Variants in SDHC observed in about 807,000 individuals in gnomAD.
SDHC encodes succinate dehydrogenase complex subunit C.
In SDHC, 11 loss-of-function variants were observed where a neutral mutation model predicts 22.6. The observed-to-expected ratio is 0.49, with a 90% CI of 0.31 to 0.81. The LOEUF (loss-of-function observed/expected upper bound fraction) is 0.81, where lower values mean the gene tolerates loss of function less well. Ranked by LOEUF, SDHC falls within the 30% of genes least tolerant of loss-of-function variation. The pLI is 0.05. For missense variants in SDHC, 160 were observed against 212.0 expected (o/e 0.75, Z 1.52); for synonymous variants, 80 against 77.8 (o/e 1.03, Z -0.15).
intron 4 of SDHC, among the ~76,000 whole-genome samples, chr1:161,343,738 TA>T (rs1671798636): frequency 6.6e-6 from 1 of 152,206 alleles, no homozygotes; most frequent in Non-Finnish European, 1.5e-5. Flanking sequence ...TGAACAGATT[TA>T]ATCCTAAAAA....
chr1:161,354,143 A>G (rs1228088462), intron 4 of SDHC, among the ~76,000 whole-genome samples: 1 of 151,982 alleles, frequency 6.6e-6, no homozygotes, highest in Non-Finnish European at 1.5e-5. Flanking sequence ...GAGCCACCAT[A>G]CCCAGCCAAT....
At chr1:161,329,028 C>T (rs57884260) in intron 3 of SDHC, among the ~76,000 whole-genome samples, 5,297 of 152,196 alleles carry the variant, frequency 0.035, 190 homozygotes, top group East Asian at 0.17. Context: ...CTGCCTCAGC[C>T]TCCCGAGTAG....
chr1:161,331,678 C>T (rs115378785), intron 3 of SDHC, among the ~76,000 whole-genome samples: 2,975 of 151,822 alleles, frequency 0.02, 78 homozygotes, highest in African/African-American at 0.064. Flanking sequence ...TCACTGTAAC[C>T]CCCGCCTCCC....
chr1:161,346,005 T>C (rs1209463992), intron 4 of SDHC, among the ~76,000 whole-genome samples: 3 of 151,512 alleles, frequency 2.0e-5, no homozygotes, highest in Non-Finnish European at 2.9e-5. Flanking sequence ...AGGGTCTCAC[T>C]ATTTGGCCAG....
intron 4 of SDHC, among the ~76,000 whole-genome samples, chr1:161,348,091 A>G (rs778425139): frequency 2.6e-5 from 4 of 152,216 alleles, no homozygotes; most frequent in Non-Finnish European, 5.9e-5. Flanking sequence ...TATAAATTTT[A>G]AAAAGCATGT....
rs1277411736 is a variant in SDHC, at chr1:161,314,419, T to C, written c.14T>C (p.Leu5Ser). 9.9e-6 allele frequency: 16 copies of C among 1,612,258 alleles called. No homozygotes were observed. Among genetic ancestry groups the C allele is most frequent in the African/African-American group, 1.4e-5 (1 of 73,776 alleles). ...CCGGAACCCAAGATGGCTGCGCTGT[T>C]GCTGAGGTGACTTCAGTGGGACTGG... MAAL[L>S]LRHVGRHCLR... The change falls in exon 1 of 6, where the codon TTG becomes TCG. Residue 5 changes from leucine (L) to serine (S), a missense_variant. Physicochemically the swap from Leu to Ser is moderately radical, Grantham distance 145. This residue lies in a region of SDHC where 86 missense variants were observed against 83.4 expected (regional missense o/e 1.03). Coordinates refer to ENST00000367975, the MANE Select transcript of SDHC (RefSeq NM_003001.5).
rs1486808128 is a variant in SDHC at position 161,362,703 on chromosome 1, C to T, written c.*270C>T. ...TACTCTCGGCCTAGAAGCAGTTATT[C>T]TCTCTCCATATTGGGCTTTGATTTG... On this transcript the variant is annotated 3_prime_UTR_variant, in exon 6 of 6. Transcript: ENST00000367975. The T allele has an allele frequency of 1.6e-6, 1 of 620,470 alleles. No individual in the cohort carries two copies. The highest frequency in any genetic ancestry group is 2.9e-5 in the Admixed American group (1 of 33,972). 38.4% of individuals were successfully genotyped at this position (620,470 alleles called of 1,614,324 possible). A position where few individuals can be genotyped will look rare whatever the true frequency, so the allele number is the denominator to read the frequency against.
Position 161,340,459 on chromosome 1 carries a change from G to A in SDHC, c.180-135G>A, listed in dbSNP as rs187490191. The stretch of plus-strand genomic sequence containing the variant: ...CCATTGCCAGCCTGGGCAACAGAGC[G>A]AGACTCTGTCTCAAAAAAAAAAAAA... On this transcript the variant is annotated intron_variant, in intron 3 of 5. Coordinates refer to ENST00000367975, the MANE Select transcript of SDHC (RefSeq NM_003001.5). The A allele has an allele frequency of 1.4e-3, 987 of 725,162 alleles. 5 individuals carry two copies. The highest frequency in any genetic ancestry group is 1.2e-3 in the Non-Finnish European group (514 of 425,316). The allele number at this position is 725,162 out of a possible 1,614,324, so 44.9% of individuals were successfully genotyped here.
intron 3 of SDHC, among the ~76,000 whole-genome samples, chr1:161,335,831 A>G (rs2102324602): frequency 6.6e-6 from 1 of 152,110 alleles, no homozygotes; most frequent in South Asian, 2.1e-4. Flanking sequence ...ATACATATAT[A>G]CATACATCTC....
chr1:161,323,683 G>C lies in SDHC; in HGVS notation c.77+13G>C, dbSNP rs779727693. On this transcript the variant is annotated intron_variant, in intron 2 of 5. Transcript: ENST00000367975. ...TCTGTATCAGAAAGTAAGTTTCTAA[G>C]TCTGGAGATTATTTATTTATTTTTT... 18 of 1,597,200 alleles carry C rather than the reference G, an allele frequency of 1.1e-5. No homozygotes were observed. In the East Asian group the frequency reaches 4.0e-4, roughly 36 times the overall value.
At chr1:161,340,514 T>G (rs1571869000) in intron 3 of SDHC, 80 bp from the exon 4 acceptor site, 1 of 1,265,092 alleles carries the variant, frequency 7.9e-7, no homozygotes, top group Non-Finnish European at 1.1e-6. Flanking sequence ...CAGAATTAGT[T>G]TATATTTTTG....
chr1:161,356,419 A>G (rs961794897), intron 4 of SDHC, among the ~76,000 whole-genome samples: 2 of 152,118 alleles, frequency 1.3e-5, no homozygotes, highest in African/African-American at 4.8e-5. Flanking sequence ...GGCACCTGTC[A>G]TCCCCACTAC....
In SDHC at chr1:161,318,045, G is replaced by A. The variant is rs546223530; in HGVS notation, c.20+3620G>A. Among the ~76,000 whole-genome samples, 9 of 151,810 alleles carry A rather than the reference G, an allele frequency of 5.9e-5. No homozygotes were observed. The South Asian group carries it at 1.9e-3, about 32-fold the overall frequency. On this transcript the variant is annotated intron_variant, in intron 1 of 5. Coordinates refer to ENST00000367975, the MANE Select transcript of SDHC (RefSeq NM_003001.5). Reference sequence around the variant, plus strand: ...AAATTAGCCGGGTGTGATGGTGCGCGCCTGTCGTCCCAGCTACTCGGGAGG... The same window carrying A: ...AAATTAGCCGGGTGTGATGGTGCGCACCTGTCGTCCCAGCTACTCGGGAGG...
chr1:161,334,329 C>CT (rs34404220), intron 3 of SDHC, among the ~76,000 whole-genome samples: 14,865 of 152,136 alleles, frequency 0.098, 1,047 homozygotes, highest in Non-Finnish European at 0.14. Context: ...TTCTGCTTTT[C>CT]TTTTTTCTCA....
intron 3 of SDHC, among the ~76,000 whole-genome samples, chr1:161,334,647 C>T (rs894958404): frequency 2.0e-5 from 3 of 152,244 alleles, no homozygotes; most frequent in African/African-American, 2.4e-5. Context: ...CCATGTTGCT[C>T]AAGCTGGCTT....
Position 161,362,687 on chromosome 1 carries a change from C to A in SDHC, c.*254C>A. The A allele has an allele frequency of 1.5e-6, 1 of 657,210 alleles. No homozygotes were observed. Among genetic ancestry groups the A allele is most frequent in the Non-Finnish European group, 2.7e-6 (1 of 375,526 alleles). 40.7% of individuals were successfully genotyped at this position (657,210 alleles called of 1,614,324 possible). On this transcript the variant is annotated 3_prime_UTR_variant, in exon 6 of 6. Coordinates refer to ENST00000367975, the MANE Select transcript of SDHC (RefSeq NM_003001.5). ...TTGCCCACAGCTTGCCTACTCTCGG[C>A]CTAGAAGCAGTTATTCTCTCTCCAT...
At chr1:161,347,263 CT>C (rs1013069489) in intron 4 of SDHC, among the ~76,000 whole-genome samples, 2 of 150,802 alleles carry the variant, frequency 1.3e-5, no homozygotes, top group Non-Finnish European at 1.5e-5. Flanking sequence ...TCTTTTTTTC[CT>C]TTTTTTTTGA....
intron 4 of SDHC, among the ~76,000 whole-genome samples, chr1:161,345,631 T>C (rs1422615358): frequency 6.6e-6 from 1 of 151,730 alleles, no homozygotes; most frequent in Non-Finnish European, 1.5e-5. Context: ...TAATTTTTTG[T>C]ATTTTTAGTA....
chr1:161,361,860 A>G (rs1023139800), intron 5 of SDHC, among the ~76,000 whole-genome samples: 6 of 151,812 alleles, frequency 4.0e-5, no homozygotes, highest in Admixed American at 2.6e-4. Context: ...AAAAAAAAAA[A>G]AAAACTGTTT....
Sources: gnomAD v4.1 joint callset for allele counts (sites outside exome capture counted in the v4.1 genomes callset) on GRCh38, gnomAD v4.1.1 for gene constraint, gnomAD v4.1.1 regional missense constraint, MANE v1.5 for transcripts, NCBI Gene and HGNC (gene_info 2026-07-23, HGNC 2026-07-21) for gene names.